LAMA1: variants seen among roughly 807,000 people sequenced by gnomAD.
LAMA1 encodes laminin subunit alpha-1.
LAMA1 carries 219 observed loss-of-function variants against 348.7 expected under a neutral mutation model. The ratio of observed to expected loss-of-function variants is 0.63; its 90% CI spans 0.56 to 0.70. LAMA1 has a LOEUF of 0.70. LAMA1 is among the 30% of genes least tolerant of loss of function. The pLI is 0.00. For missense variants in LAMA1, 3,744 were observed against 3,888.0 expected, an observed-to-expected ratio of 0.96 and a Z score of 0.99; for synonymous variants, 1,487 against 1,491.0, an observed-to-expected ratio of 1.00 and a Z score of 0.06.
In LAMA1 at chr18:6,955,381, G is replaced by C. The variant is rs550959766; in HGVS notation, c.8179C>G (p.Pro2727Ala). The change falls in exon 57 of 63, where the codon CCT (proline) becomes GCT (alanine). Residue 2727 changes from proline (P) to alanine (A), a missense_variant. Physicochemically the swap from Pro to Ala is conservative, Grantham distance 27. This residue lies in a region of LAMA1 where 1,983 missense variants were observed against 1,934.3 expected (regional missense o/e 1.03). Coordinates refer to ENST00000389658, the MANE Select transcript of LAMA1 (RefSeq NM_005559.4). ...TTTCTGACAGCCGACTGATTAAAAG[G>C]CAAGATGAAATGGCTGTTTTGTGTG... ...GLTQNSHFIL[P>A]FNQSAVRKKL... 1.1e-5 allele frequency: 17 copies of C among 1,614,142 alleles called. No homozygotes were observed. The South Asian group carries it at 1.9e-4, about 18-fold the overall frequency.
intron 33 of LAMA1, among the ~76,000 whole-genome samples, chr18:6,997,229 A>G (rs1022536487): frequency 6.6e-6 from 1 of 151,932 alleles, no homozygotes; most frequent in African/African-American, 2.4e-5. Flanking sequence ...ACATCCAGCT[A>G]ATTTTTGTAT....
rs2057982877 is a variant in LAMA1 at position 7,033,951 on chromosome 18, G to A, written c.2051+528C>T. On this transcript the variant is annotated intron_variant, in intron 14 of 62. Transcript: ENST00000389658. ...GGGTTTCACCATGTTGGCCAGGCTG[G>A]TCTCAAACTCCTGACCTCATGCAAT... 2.6e-5 allele frequency among the ~76,000 whole-genome samples: 4 copies of A among 152,068 alleles called. No homozygotes were observed. The South Asian group carries it at 8.3e-4, about 32-fold the overall frequency.
chr18:7,033,628 G>T (rs1033055648), intron 14 of LAMA1, among the ~76,000 whole-genome samples: 1 of 152,064 alleles, frequency 6.6e-6, no homozygotes, highest in African/African-American at 2.4e-5. Flanking sequence ...GGAAAGGTCT[G>T]GTGTTGCCTA....
Position 6,950,843 on chromosome 18 carries a change from A to C in LAMA1, c.8336T>G (p.Leu2779Arg). 2 of 1,614,152 alleles carry C rather than the reference A, an allele frequency of 1.2e-6. No individual in the cohort carries two copies. The highest frequency in any genetic ancestry group is 1.7e-6 in the Non-Finnish European group (2 of 1,180,026). ...HGGRLHFMFDLGKGRTKVSHP... is the reference protein window; with the variant it reads ...HGGRLHFMFDRGKGRTKVSHP... The stretch of plus-strand genomic sequence containing the variant: ...AGAGACCTTTGTTCTGCCTTTGCCA[A>C]GGTCAAACATGAAGTGGAGGCGGCC... Residue 2779 changes from leucine (L) to arginine (R), a missense_variant, in exon 58 of 63, where the codon CTT becomes CGT. Physicochemically the swap from Leu to Arg is moderately radical, Grantham distance 102. Transcript: ENST00000389658.
intron 3 of LAMA1, among the ~76,000 whole-genome samples, chr18:7,065,061 G>C (rs372476945): frequency 6.6e-6 from 1 of 151,656 alleles, no homozygotes; most frequent in Admixed American, 6.6e-5. Context: ...GTGAATCCTC[G>C]TCTCTACTAA....
intron 34 of LAMA1, among the ~76,000 whole-genome samples, chr18:6,994,909 C>A (rs1194040367): frequency 6.6e-6 from 1 of 152,094 alleles, no homozygotes; most frequent in African/African-American, 2.4e-5. Context: ...CTGAAGTTTG[C>A]ACAGATGCCT....
intron 3 of LAMA1, among the ~76,000 whole-genome samples, chr18:7,071,158 G>A (rs1250866618): frequency 2.6e-5 from 4 of 152,310 alleles, no homozygotes; most frequent in East Asian, 1.9e-4. Context: ...AGGAGACAGC[G>A]TGGCATGGTG....
chr18:7,072,987 C>T (rs1241624747), intron 3 of LAMA1, among the ~76,000 whole-genome samples: 8 of 151,814 alleles, frequency 5.3e-5, no homozygotes. Context: ...CTTTCCAGGA[C>T]CCCCAGAAGA....
At chr18:7,070,994 A>T (rs750428044) in intron 3 of LAMA1, among the ~76,000 whole-genome samples, 2 of 152,098 alleles carry the variant, frequency 1.3e-5, no homozygotes, top group Non-Finnish European at 2.9e-5. Context: ...TGCTGGATTC[A>T]TAGGGGAGAG....
chr18:7,032,148 T>C lies in LAMA1; in HGVS notation c.2192A>G (p.Asp731Gly), dbSNP rs2057972770. ...ESCLSGYYRVDGILFGGICQP... is the reference protein window; with the variant it reads ...ESCLSGYYRVGGILFGGICQP... ...ACAAATTCCTCCAAAGAGTATTCCA[T>C]CCACGCGGTAATAGCCAGAGAGGCA... Residue 731 changes from aspartate (D) to glycine (G), a missense_variant, in exon 16 of 63, where the codon GAT becomes GGT. Transcript: ENST00000389658. The C allele has an allele frequency of 6.2e-7, 1 of 1,613,980 alleles. No individual in the cohort carries two copies. Among genetic ancestry groups the C allele is most frequent in the Admixed American group, 1.7e-5 (1 of 60,000 alleles).
At chr18:7,101,622 T>A (rs2058291485) in intron 1 of LAMA1, among the ~76,000 whole-genome samples, 1 of 152,222 alleles carries the variant, frequency 6.6e-6, no homozygotes, top group South Asian at 2.1e-4. Context: ...ACCTCCATCT[T>A]CTTCAGTGGC....
At chr18:6,946,952 A>G (rs1022711203) in intron 61 of LAMA1, among the ~76,000 whole-genome samples, 1 of 152,246 alleles carries the variant, frequency 6.6e-6, no homozygotes, top group Non-Finnish European at 1.5e-5. Flanking sequence ...CTGAAAGCTT[A>G]CTTTCAAACA....
intron 61 of LAMA1, among the ~76,000 whole-genome samples, chr18:6,943,843 C>CAAAAA (rs61710961): frequency 9.5e-5 from 6 of 63,202 alleles, no homozygotes; most frequent in African/African-American, 1.2e-4. Flanking sequence ...AACTCCATCT[C>CAAAAA]AAAAAAAAAA....
In LAMA1 at chr18:6,999,632, G is replaced by A; in HGVS notation, c.4476C>T (p.Ser1492=). 2 of 1,609,930 alleles carry A rather than the reference G, an allele frequency of 1.2e-6. No homozygotes were observed. The highest frequency in any genetic ancestry group is 1.7e-6 in the Non-Finnish European group (2 of 1,178,142). ...TTTGAGGGTTCCCATAATAGCTTGA[G>A]GAGCACCTACAGAAAGGAAGGGACA... ...GYEGKHCERC[S]SSYYGNPQTP... Residue 1492 remains serine, a synonymous_variant, in exon 32 of 63, where the codon TCC becomes TCT. Transcript: ENST00000389658.
rs1006189274 is a variant in LAMA1, at chr18:7,044,921, G to A, written c.859-82C>T. The A allele has an allele frequency of 2.5e-5, 26 of 1,038,682 alleles. No individual in the cohort carries two copies. The African/African-American group carries it at 2.5e-4, about 10-fold the overall frequency. 64.3% of individuals were successfully genotyped at this position (1,038,682 alleles called of 1,614,324 possible). A position where few individuals can be genotyped will look rare whatever the true frequency, so the allele number is the denominator to read the frequency against. On this transcript the variant is annotated intron_variant, in intron 6 of 62. Coordinates refer to ENST00000389658, the MANE Select transcript of LAMA1 (RefSeq NM_005559.4). ...ATTTCATGGTAAAAAGAACCTATCTGTCAAATATGTGGCAAGAACCTCACA... is the reference window on the plus strand; with the variant it reads ...ATTTCATGGTAAAAAGAACCTATCTATCAAATATGTGGCAAGAACCTCACA...
Position 7,026,093 on chromosome 18 carries a change from T to G in LAMA1, c.2288A>C (p.Asn763Thr). ...VHGVCIACAH[N>T]TTGVHCEQCL... ...CTGCTCACAGTGGACGCCGGTGGTG[T>G]TGTGCGCACACGCCTAGGAACATGC... The change falls in exon 17 of 63, where the codon AAC becomes ACC. Residue 763 changes from asparagine to threonine, a missense_variant. This residue lies in a region of LAMA1 where 1,529 missense variants were observed against 1,689.4 expected (regional missense o/e 0.91). Coordinates refer to ENST00000389658, the MANE Select transcript of LAMA1 (RefSeq NM_005559.4). 3.7e-6 allele frequency: 6 copies of G among 1,611,370 alleles called. No homozygotes were observed. The highest frequency in any genetic ancestry group is 2.2e-5 in the East Asian group (1 of 44,806).
chr18:7,054,833 T>TTAC (rs1286344250), intron 3 of LAMA1, among the ~76,000 whole-genome samples: 2 of 152,166 alleles, frequency 1.3e-5, no homozygotes, highest in Admixed American at 1.3e-4. Flanking sequence ...ATAGTAAATA[T>TTAC]AGTATTGTCT....
rs1291745668 is a variant in LAMA1, at chr18:7,026,010, A to G, written c.2371T>C (p.Cys791Arg). 1.1e-5 allele frequency: 18 copies of G among 1,609,308 alleles called. No homozygotes were observed. Among genetic ancestry groups the G allele is most frequent in the Non-Finnish European group, 1.5e-5 (18 of 1,177,920 alleles). ...SRGTPGDCQP[C>R]ACPLTIASNN... ...GAGGCTATGGTGAGAGGGCAGGCGCAGGGCTGGCAGTCCCCAGGTGTCCCT... is the reference window on the plus strand; with the variant it reads ...GAGGCTATGGTGAGAGGGCAGGCGCGGGGCTGGCAGTCCCCAGGTGTCCCT... Residue 791 changes from cysteine (C) to arginine (R), a missense_variant, in exon 17 of 63, where the codon TGC becomes CGC. Physicochemically the swap from Cys to Arg is radical, Grantham distance 180. Transcript: ENST00000389658.
chr18:7,069,141 A>T (rs2058135589), intron 3 of LAMA1, among the ~76,000 whole-genome samples: 1 of 152,224 alleles, frequency 6.6e-6, no homozygotes, highest in Non-Finnish European at 1.5e-5. Context: ...AGCTCTGCCA[A>T]ATGGCAAAAT....
Sources: allele counts gnomAD v4.1 joint callset (sites outside exome capture counted in the v4.1 genomes callset), GRCh38; gene constraint gnomAD v4.1.1; regional missense constraint gnomAD v4.1.1; transcripts MANE v1.5; gene names NCBI Gene and HGNC (gene_info 2026-07-23, HGNC 2026-07-21).